The following NFIC variants were observed in gnomAD, a reference collection of about 807,000 sequenced individuals.
The protein encoded by NFIC is nuclear factor I C, also known as nuclear factor 1 C-type.
In NFIC, 12 loss-of-function variants were observed where a neutral mutation model predicts 54.4. The observed-to-expected ratio is 0.22, with a 90% CI of 0.14 to 0.36. The LOEUF (loss-of-function observed/expected upper bound fraction) is 0.36. Ranked by LOEUF, NFIC falls within the 10% of genes least tolerant of loss-of-function variation. The pLI is 1.00. For missense variants in NFIC, 575 were observed against 718.2 expected (o/e 0.80, Z 2.28); for synonymous variants, 322 against 319.2 (o/e 1.01, Z -0.09).
chr19:3,416,445 A>G (rs1213546403), intron 2 of NFIC, among the ~76,000 whole-genome samples: 1 of 150,784 alleles, frequency 6.6e-6, no homozygotes, highest in Non-Finnish European at 1.5e-5. Context: ...TACTTACGCC[A>G]TTAAATATAT....
At chr19:3,363,594 G>GGTGTGT (rs527615426), upstream of NFIC, among the ~76,000 whole-genome samples, 145 of 149,664 alleles carry the variant, frequency 9.7e-4, 1 homozygote, top group South Asian at 0.015. Flanking sequence ...TGTGTGTGTG[G>GGTGTGT]GTGTGTGTGC....
Position 3,369,138 on chromosome 19 carries a change from G to C in NFIC, c.30+2472G>C, listed in dbSNP as rs564681388. On this transcript the variant is annotated intron_variant, in intron 1 of 10. Transcript: ENST00000443272. This position sits in a 1 kb window ranked among gnomAD's most constrained non-coding sequence, Gnocchi z 4.3. ...CTTTGTCTCTGCATGTCTCTTTGAT[G>C]TGTCTCTGTCTCTCTGTCTCTCCCT... 2.2e-4 allele frequency among the ~76,000 whole-genome samples: 33 copies of C among 150,858 alleles called. No individual in the cohort carries two copies.
At chr19:3,371,998 C>CT (rs2081026721) in intron 1 of NFIC, among the ~76,000 whole-genome samples, 3 of 35,414 alleles carry the variant, frequency 8.5e-5, no homozygotes, top group African/African-American at 2.0e-4. Flanking sequence ...CCTCTCTCTC[C>CT]CTCTCTCTCT....
chr19:3,382,140 G>A lies in NFIC; in HGVS notation c.459G>A (p.Lys153=). The change falls in exon 2 of 11, where the codon AAG becomes AAA. Residue 153 remains lysine, a synonymous_variant. Coordinates refer to ENST00000443272, the MANE Select transcript of NFIC (RefSeq NM_001245002.2). ...LESTDGERLV[K]AAQCGHPVLC... is the part of the protein sequence containing the mutation. ...GCACCGACGGCGAGCGCCTGGTCAA[G>A]GCTGCGCAGTGCGGTCACCCGGTCC... 1.9e-6 allele frequency: 3 copies of A among 1,613,372 alleles called. No individual in the cohort carries two copies. The highest frequency in any genetic ancestry group is 2.5e-6 in the Non-Finnish European group (3 of 1,179,960).
chr19:3,388,549 G>A (rs780078258), intron 2 of NFIC, among the ~76,000 whole-genome samples: 52 of 152,288 alleles, frequency 3.4e-4, no homozygotes, highest in Admixed American at 9.2e-4. Context: ...GAGGCCAGGC[G>A]AGGTGGCTCC....
At chr19:3,429,255 C>T (rs74178428) in intron 3 of NFIC, among the ~76,000 whole-genome samples, 3,542 of 50,482 alleles carry the variant, frequency 0.07, 570 homozygotes, top group South Asian at 0.12. Flanking sequence ...AAAATATATA[C>T]ACACACACAC....
intron 2 of NFIC, among the ~76,000 whole-genome samples, chr19:3,402,181 G>A (rs900201811): frequency 1.3e-5 from 2 of 152,196 alleles, no homozygotes; most frequent in Non-Finnish European, 1.5e-5. Context: ...AAGTAGCTGG[G>A]ACTACAGGCA....
chr19:3,400,774 G>A (rs886449656), intron 2 of NFIC, among the ~76,000 whole-genome samples: 2 of 152,200 alleles, frequency 1.3e-5, no homozygotes, highest in African/African-American at 2.4e-5. Context: ...CCCGGAAGGC[G>A]GAGGTTGCAG....
rs748564449 is a variant in NFIC, at chr19:3,434,355, C to T, written c.788C>T (p.Ala263Val). The T allele has an allele frequency of 1.1e-5, 18 of 1,613,168 alleles. No individual in the cohort carries two copies. The East Asian group carries it at 1.6e-4, about 14-fold the overall frequency. Residue 263 changes from alanine to valine, a missense_variant, in exon 5 of 11, where the codon GCC becomes GTC. By Grantham distance (64) the Ala-to-Val change is moderately conservative. Coordinates refer to ENST00000443272, the MANE Select transcript of NFIC (RefSeq NM_001245002.2). ...CACCTGGCATACGACCTGAACCCAG[C>T]CAGCACTGGCCTCAGAAGAACGCTG... ...QGHLAYDLNP[A>V]STGLRRTLPS...
upstream of NFIC, among the ~76,000 whole-genome samples, chr19:3,365,804 G>C (rs1214543783): frequency 6.6e-6 from 1 of 152,108 alleles, no homozygotes; most frequent in Non-Finnish European, 1.5e-5. Context: ...TGGGTGCTGG[G>C]TGAAGAGAGC....
intron 6 of NFIC, among the ~76,000 whole-genome samples, chr19:3,444,821 G>A (rs1005645715): frequency 3.3e-5 from 5 of 151,924 alleles, no homozygotes; most frequent in Non-Finnish European, 7.4e-5. Context: ...ACACACGCTT[G>A]CACACACGCA....
chr19:3,360,342 C>T (rs975083192), intron 1 of NFIC, among the ~76,000 whole-genome samples: 3 of 149,576 alleles, frequency 2.0e-5, no homozygotes, highest in Non-Finnish European at 4.5e-5. Flanking sequence ...CGGCAGACCC[C>T]CGGCCCCGCT....
intron 2 of NFIC, among the ~76,000 whole-genome samples, chr19:3,401,548 G>A (rs2081555241): frequency 1.3e-5 from 2 of 152,184 alleles, no homozygotes; most frequent in African/African-American, 4.8e-5. Context: ...GCACATGCAG[G>A]GAAGGGAGCG....
chr19:3,391,408 T>A (rs776757987), intron 2 of NFIC, among the ~76,000 whole-genome samples: 1 of 152,162 alleles, frequency 6.6e-6, no homozygotes, highest in Non-Finnish European at 1.5e-5. Context: ...CTCAGCACTT[T>A]GGGAGGCTGA....
chr19:3,421,407 C>A (rs2081951661), intron 2 of NFIC, among the ~76,000 whole-genome samples: 2 of 152,222 alleles, frequency 1.3e-5, no homozygotes, highest in African/African-American at 4.8e-5. Flanking sequence ...CGGTGCCCAG[C>A]CTTGAGACAG....
At chr19:3,408,443 C>T (rs2081692666) in intron 2 of NFIC, among the ~76,000 whole-genome samples, 1 of 151,916 alleles carries the variant, frequency 6.6e-6, no homozygotes, top group African/African-American at 2.4e-5. Flanking sequence ...ACACACATCA[C>T]ACACTTTTTT....
intron 2 of NFIC, among the ~76,000 whole-genome samples, chr19:3,390,344 C>T (rs574865146): frequency 4.6e-4 from 70 of 152,262 alleles, no homozygotes; most frequent in African/African-American, 1.6e-3. Context: ...GGCAGGAGTC[C>T]GCGGGGCATA....
intron 2 of NFIC, among the ~76,000 whole-genome samples, chr19:3,409,117 C>G (rs1025652421): frequency 6.6e-6 from 1 of 152,160 alleles, no homozygotes; most frequent in African/African-American, 2.4e-5. Context: ...AGGCCTCTCA[C>G]TGCAACACAC....
chr19:3,397,854 G>A (rs570101716), intron 2 of NFIC, among the ~76,000 whole-genome samples: 1 of 152,164 alleles, frequency 6.6e-6, no homozygotes, highest in Non-Finnish European at 1.5e-5. Context: ...GACCACTCAT[G>A]TGTCTGACGG....
Sources: allele counts gnomAD v4.1 joint callset (sites outside exome capture counted in the v4.1 genomes callset), GRCh38; gene constraint gnomAD v4.1.1; non-coding constraint Gnocchi (gnomAD v3.1); transcripts MANE v1.5; gene names NCBI Gene and HGNC (gene_info 2026-07-23, HGNC 2026-07-21).